The following SPTA1 variants were observed in gnomAD, a reference collection of about 807,000 sequenced individuals.
The protein encoded by SPTA1 is spectrin alpha chain, erythrocytic 1.
SPTA1 carries 177 observed loss-of-function variants against 324.7 expected under a neutral mutation model. The observed-to-expected ratio is 0.55, with a 90% CI of 0.48 to 0.62. The LOEUF (loss-of-function observed/expected upper bound fraction) is 0.62. Among genes scored for constraint, SPTA1 ranks in the 20% least tolerant of loss-of-function variants. The probability of loss-of-function intolerance (pLI) is 0.00; values close to 1 mark genes in which losing one functional copy is unlikely to be tolerated. For missense variants in SPTA1, 3,162 were observed against 2,883.6 expected (o/e 1.10, Z -2.21); for synonymous variants, 1,195 against 1,041.3 (o/e 1.15, Z -2.84).
intron 6 of SPTA1, 138 bp from the exon 7 acceptor site, chr1:158,677,972 T>C (rs141353337): frequency 1.9e-6 from 2 of 1,069,592 alleles, no homozygotes; most frequent in East Asian, 4.8e-5. Flanking sequence ...TAGCAAAAAG[T>C]AATATAAAAT....
In SPTA1 at chr1:158,680,731, T is replaced by C; in HGVS notation, c.532-2A>G. 6.2e-7 allele frequency: 1 copy of C among 1,613,658 alleles called. No individual in the cohort carries two copies. The highest frequency in any genetic ancestry group is 8.5e-7 in the Non-Finnish European group (1 of 1,179,768). ...CTCCACTGATGTCGCTATAGCCTCC[T>C]GTAGACACAGAAGTTGATTGAGTTG... On this transcript the variant is annotated splice_acceptor_variant, in intron 4 of 51. Transcript: ENST00000643759. LOFTEE classifies it high-confidence loss of function.
chr1:158,673,304 A>G (rs1207744391), intron 10 of SPTA1, among the ~76,000 whole-genome samples: 3 of 152,178 alleles, frequency 2.0e-5, no homozygotes, highest in Non-Finnish European at 4.4e-5. Context: ...TCCACTGCAC[A>G]GTGCTAGAGG....
chr1:158,639,545 A>C (rs762424344), intron 35 of SPTA1, 37 bp downstream of exon 35: 14 of 1,599,214 alleles, frequency 8.8e-6, no homozygotes, highest in Non-Finnish European at 1.2e-5. Flanking sequence ...AAATATTTCT[A>C]TTCTGCCCAG....
intron 39 of SPTA1, among the ~76,000 whole-genome samples, chr1:158,630,186 G>A (rs1009426327): frequency 3.3e-5 from 5 of 151,890 alleles, no homozygotes; most frequent in African/African-American, 1.2e-4. Context: ...ACCACAAATA[G>A]TCAAATCAAT....
chr1:158,625,734 T>C (rs189890737), intron 42 of SPTA1, among the ~76,000 whole-genome samples: 123 of 151,904 alleles, frequency 8.1e-4, no homozygotes, highest in African/African-American at 2.8e-3. Flanking sequence ...AAGCTTTGCT[T>C]TGGGAAAAAT....
In SPTA1 at chr1:158,677,714, T is replaced by C; in HGVS notation, c.933A>G (p.Arg311=). ...GLFHSHKGLE[R]NLAVMSDKVK... is the part of the protein sequence containing the mutation. ...CCTTGTCACTCATGACAGCAAGATT[T>C]CTCTCAAGTCCCTTGTGACTGTGAA... Residue 311 remains arginine (R), a synonymous_variant, in exon 7 of 52, where the codon AGA becomes AGG. Coordinates refer to ENST00000643759, the MANE Select transcript of SPTA1 (RefSeq NM_003126.4). The C allele has an allele frequency of 6.2e-7, 1 of 1,613,478 alleles. No homozygotes were observed. Among genetic ancestry groups the C allele is most frequent in the South Asian group, 1.1e-5 (1 of 91,064 alleles).
In SPTA1 at chr1:158,667,876, C is replaced by T; in HGVS notation, c.2020G>A (p.Glu674Lys). ...TTTTTACCTTTCTGTTTTGTAGCCT[C>T]CAGCAACTCCTCCCAGAGGCTGGCA... ...EVASLWEELL[E>K]ATKQKGTQLH... Residue 674 changes from glutamate (E) to lysine (K), a missense_variant, in exon 15 of 52, where the codon GAG becomes AAG. Transcript: ENST00000643759. 6.2e-7 allele frequency: 1 copy of T among 1,613,892 alleles called. No individual in the cohort carries two copies. The highest frequency in any genetic ancestry group is 8.5e-7 in the Non-Finnish European group (1 of 1,179,956).
In SPTA1 at chr1:158,648,529, G is replaced by T; in HGVS notation, c.3694C>A (p.Leu1232Ile). The change falls in exon 26 of 52, where the codon CTC becomes ATC. Residue 1232 changes from leucine (L) to isoleucine (I), a missense_variant. Coordinates refer to ENST00000643759, the MANE Select transcript of SPTA1 (RefSeq NM_003126.4). ...QRRHEGFERD[L>I]VPLGDKVTIL... ...CTCACCTTATCTCCCAGGGGTACGA[G>T]GTCCCTTTCAAAGCCCTCATGCCGT... 6.2e-7 allele frequency: 1 copy of T among 1,613,974 alleles called. No homozygotes were observed. Among genetic ancestry groups the T allele is most frequent in the South Asian group, 1.1e-5 (1 of 91,064 alleles).
intron 29 of SPTA1, 129 bp from the exon 30 acceptor site, chr1:158,644,525 C>T: frequency 9.3e-7 from 1 of 1,073,604 alleles, no homozygotes; most frequent in South Asian, 1.3e-5. Flanking sequence ...AAGAAACACT[C>T]ATGTGACAAA....
intron 6 of SPTA1, among the ~76,000 whole-genome samples, chr1:158,678,161 C>T (rs949018416): frequency 6.6e-6 from 1 of 152,042 alleles, no homozygotes; most frequent in African/African-American, 2.4e-5. Context: ...GCTTCCATTC[C>T]TAAATTACCA....
intron 6 of SPTA1, 148 bp from the exon 7 acceptor site, chr1:158,677,982 T>C (rs2101935041): frequency 1.0e-6 from 1 of 1,004,290 alleles, no homozygotes; most frequent in East Asian, 2.5e-5. Context: ...TAATATAAAA[T>C]GTTCTTACTT....
chr1:158,623,323 A>G (rs1023830885), intron 42 of SPTA1, 131 bp from the exon 43 acceptor site: 2 of 848,772 alleles, frequency 2.4e-6, no homozygotes, highest in East Asian at 2.4e-5. Flanking sequence ...AAAAGGAAAT[A>G]TAACTTAGAG....
In SPTA1 at chr1:158,635,986, G is replaced by T. The variant is rs756670407; in HGVS notation, c.5359C>A (p.Gln1787Lys). The part of the protein sequence containing the change: ...EKLKDKAAVG[Q>K]EEIQLRLAQF... ...GCCAGCCGCAACTGGATCTCCTCTT[G>T]CCCCACAGCAGCCTTGTCTTTCAGC... The change falls in exon 38 of 52, where the codon CAA becomes AAA. Residue 1787 changes from glutamine to lysine, a missense_variant. Coordinates refer to ENST00000643759, the MANE Select transcript of SPTA1 (RefSeq NM_003126.4). The T allele has an allele frequency of 6.2e-7, 1 of 1,614,054 alleles. No individual in the cohort carries two copies. Among genetic ancestry groups the T allele is most frequent in the Admixed American group, 1.7e-5 (1 of 59,990 alleles).
At chr1:158,640,807 A>C (rs1651498418) in intron 33 of SPTA1, among the ~76,000 whole-genome samples, 1 of 152,220 alleles carries the variant, frequency 6.6e-6, no homozygotes, top group South Asian at 2.1e-4. Context: ...GGAAAAAACT[A>C]CTTTAAAGTT....
chr1:158,627,381 G>A (rs1307501241), intron 40 of SPTA1, among the ~76,000 whole-genome samples: 1 of 152,136 alleles, frequency 6.6e-6, no homozygotes. Context: ...ACAACAAGAT[G>A]TCAACAAAGG....
intron 4 of SPTA1, 119 bp downstream of exon 4, chr1:158,681,408 G>A: frequency 1.3e-6 from 2 of 1,539,584 alleles, no homozygotes; most frequent in Non-Finnish European, 1.8e-6. Context: ...TTGTTCCAAA[G>A]AACAAAGCCA....
At position 158,652,537 on chromosome 1, in the gene SPTA1, T is replaced by G. The variant is rs928318305; in HGVS notation, c.3305A>C (p.Lys1102Thr). Reference sequence around the variant, plus strand: ...TAGTTCCACTCCAGTGTTTTCTGCCTTTTTCTCTTGAATCCATTCCAGCAT... The same window carrying G: ...TAGTTCCACTCCAGTGTTTTCTGCCGTTTTCTCTTGAATCCATTCCAGCAT... ...GDMLEWIQEK[K>T]AENTGVELDD... The change falls in exon 23 of 52, where the codon AAG becomes ACG. Residue 1102 changes from lysine (K) to threonine (T), a missense_variant. Lys to Thr is a moderately conservative substitution (Grantham distance 78). Transcript: ENST00000643759. 3 of 1,614,136 alleles carry G rather than the reference T, an allele frequency of 1.9e-6. No individual in the cohort carries two copies. Among genetic ancestry groups the G allele is most frequent in the Non-Finnish European group, 2.5e-6 (3 of 1,180,018 alleles).
At position 158,626,947 on chromosome 1, in the gene SPTA1, T is replaced by C; in HGVS notation, c.5725A>G (p.Lys1909Glu). The change falls in exon 41 of 52, where the codon AAG becomes GAG. Residue 1909 changes from lysine to glutamate, a missense_variant. By Grantham distance (56) the Lys-to-Glu change is moderately conservative (BLOSUM62 1). Coordinates refer to ENST00000643759, the MANE Select transcript of SPTA1 (RefSeq NM_003126.4). ...ATTGCCTTAGCCAGAGAAGGGGTCT[T>C]TTCATTCAGAGCCTCTATCTTGGAA... ...ISSKIEALNEKTPSLAKAIAA... is the reference protein window; with the variant it reads ...ISSKIEALNEETPSLAKAIAA... 1 of 1,613,964 alleles carries C rather than the reference T, an allele frequency of 6.2e-7. No individual in the cohort carries two copies. Among genetic ancestry groups the C allele is most frequent in the Non-Finnish European group, 8.5e-7 (1 of 1,179,858 alleles).
rs121918644 is a variant in SPTA1, at chr1:158,685,229, T to C, written c.143A>G (p.Lys48Arg). The change falls in exon 2 of 52, where the codon AAG becomes AGG. Residue 48 changes from lysine to arginine, a missense_variant. Physicochemically the swap from Lys to Arg is conservative, Grantham distance 26. Coordinates refer to ENST00000643759, the MANE Select transcript of SPTA1 (RefSeq NM_003126.4). ...FKERVAERGQ[K>R]LEDSYHLQVF... ...TTGTAAGTGATAGGAATCCTCAAGC[T>C]TCTGACCCCTCTCAGCGACCCGCTC... 1.7e-5 allele frequency: 27 copies of C among 1,613,642 alleles called. No homozygotes were observed. The African/African-American group carries it at 2.9e-4, about 18-fold the overall frequency.
Sources: gnomAD v4.1 joint callset for allele counts (sites outside exome capture counted in the v4.1 genomes callset) on GRCh38, gnomAD v4.1.1 for gene constraint, MANE v1.5 for transcripts, NCBI Gene and HGNC (gene_info 2026-07-23, HGNC 2026-07-21) for gene names.